Variants in NWD2 observed in about 807,000 individuals in gnomAD.
The protein encoded by NWD2 is NACHT and WD repeat domain containing 2.
In NWD2, 37 loss-of-function variants were observed where a neutral mutation model predicts 132.7. That is an observed-to-expected ratio of 0.28 (90% CI 0.21 to 0.37). The LOEUF (loss-of-function observed/expected upper bound fraction) is 0.37. NWD2 is among the 10% of genes least tolerant of loss of function. The pLI, the probability that NWD2 is intolerant of heterozygous loss-of-function variation, is 1.00. For missense variants in NWD2, 1,592 were observed against 2,122.4 expected (o/e 0.75, Z 4.91); for synonymous variants, 705 against 803.0 (o/e 0.88, Z 2.06).
chr4:37,299,249 T>C (rs1560388566), intron 1 of NWD2, among the ~76,000 whole-genome samples: 2 of 152,122 alleles, frequency 1.3e-5, no homozygotes, highest in Non-Finnish European at 1.5e-5. Context: ...TAGCATGGCA[T>C]CACCCTGCCC....
intron 3 of NWD2, 26 bp downstream of exon 3, chr4:37,356,508 A>T: frequency 7.5e-7 from 1 of 1,338,782 alleles, no homozygotes; most frequent in African/African-American, 1.4e-5. Flanking sequence ...CTAATGCTTT[A>T]TATTAACTTT....
chr4:37,252,568 T>TTGGC (rs1717399191), intron 1 of NWD2, among the ~76,000 whole-genome samples: 1 of 152,224 alleles, frequency 6.6e-6, no homozygotes, highest in Non-Finnish European at 1.5e-5. Context: ...TGGGCAAGGC[T>TTGGC]TGGCTGGGTG....
At chr4:37,253,461 TC>T (rs1717437606) in intron 1 of NWD2, among the ~76,000 whole-genome samples, 1 of 152,178 alleles carries the variant, frequency 6.6e-6, no homozygotes, top group Admixed American at 6.5e-5. Flanking sequence ...ACAGGTCATG[TC>T]CCAAGGGATA....
At chr4:37,361,708 C>G (rs560279880) in intron 3 of NWD2, among the ~76,000 whole-genome samples, 2 of 152,234 alleles carry the variant, frequency 1.3e-5, no homozygotes, top group East Asian at 3.9e-4. Flanking sequence ...AAACCCACAA[C>G]CAACATCATG....
chr4:37,446,128 C>T lies in NWD2; in HGVS notation c.4140C>T (p.Ser1380=), dbSNP rs770045414. 3 of 1,551,686 alleles carry T rather than the reference C, an allele frequency of 1.9e-6. No individual in the cohort carries two copies. The highest frequency in any genetic ancestry group is 1.2e-5 in the South Asian group (1 of 84,052). ...TGGTGACATCAGATGACAAAAGCAG[C>T]CAGTATGTCTGGCACACCAGCAGTG... is the stretch of plus-strand genomic sequence containing the variant. ...DIMVTSDDKS[S]QYVWHTSSGE... The change falls in exon 7 of 7, where the codon AGC becomes AGT. Residue 1380 remains serine (S), a synonymous_variant. Transcript: ENST00000309447. The surrounding 1 kb of genome is among the most constrained non-coding windows in gnomAD (Gnocchi z 6.7).
At chr4:37,338,456 T>C (rs563137705) in intron 2 of NWD2, among the ~76,000 whole-genome samples, 1 of 152,306 alleles carries the variant, frequency 6.6e-6, no homozygotes, top group Admixed American at 6.5e-5. Context: ...AAAATAAAGT[T>C]CCTTGAAAAC....
chr4:37,420,503 G>A (rs1367920921), intron 3 of NWD2, among the ~76,000 whole-genome samples: 2 of 152,176 alleles, frequency 1.3e-5, no homozygotes, highest in African/African-American at 2.4e-5. Flanking sequence ...GGCCAACATG[G>A]TGAAACCCTG....
In NWD2 at chr4:37,285,064, G is replaced by A. The variant is rs375458471; in HGVS notation, c.151+39846G>A. Among the ~76,000 whole-genome samples, 104 of 152,034 alleles carry A rather than the reference G, an allele frequency of 6.8e-4. 1 individual carries two copies. The South Asian group carries it at 0.019, about 27-fold the overall frequency. ...TTTAATCTTGAAACTGTAAATGACCGTCAGTACCATACAATGTTAACACTC... is the reference window on the plus strand; with the variant it reads ...TTTAATCTTGAAACTGTAAATGACCATCAGTACCATACAATGTTAACACTC... On this transcript the variant is annotated intron_variant, in intron 1 of 6. Coordinates refer to ENST00000309447, the MANE Select transcript of NWD2 (RefSeq NM_001144990.2).
At chr4:37,305,125 T>C (rs111712610) in intron 1 of NWD2, among the ~76,000 whole-genome samples, 113 of 152,346 alleles carry the variant, frequency 7.4e-4, no homozygotes, top group African/African-American at 2.5e-3. Flanking sequence ...TTGCACCCTG[T>C]GAAGCCACGG....
chr4:37,421,136 A>G (rs934126817), intron 3 of NWD2, among the ~76,000 whole-genome samples: 1 of 152,144 alleles, frequency 6.6e-6, no homozygotes, highest in Non-Finnish European at 1.5e-5. Flanking sequence ...AATATGTCCA[A>G]AACTGTGTCT....
chr4:37,387,832 G>A (rs1278352125), intron 3 of NWD2, among the ~76,000 whole-genome samples: 1 of 151,876 alleles, frequency 6.6e-6, no homozygotes, highest in Non-Finnish European at 1.5e-5. Context: ...CCGCCATCAT[G>A]CCTGGCTAAT....
rs73807500 is a variant in NWD2, at chr4:37,360,975, C to T, written c.357+4493C>T. On this transcript the variant is annotated intron_variant, in intron 3 of 6. Coordinates refer to ENST00000309447, the MANE Select transcript of NWD2 (RefSeq NM_001144990.2). Reference sequence around the variant, plus strand: ...CTTCAATCAGAAACAACAAAGGTGACGTTATAACTGATCCCACAGAAATAC... The same window carrying T: ...CTTCAATCAGAAACAACAAAGGTGATGTTATAACTGATCCCACAGAAATAC... 4.9e-3 allele frequency among the ~76,000 whole-genome samples: 746 copies of T among 152,174 alleles called. 9 individuals carry two copies. The highest frequency in any genetic ancestry group is 0.017 in the African/African-American group (693 of 41,526).
intron 1 of NWD2, among the ~76,000 whole-genome samples, chr4:37,262,806 C>A (rs1717671720): frequency 6.6e-6 from 1 of 152,128 alleles, no homozygotes; most frequent in Non-Finnish European, 1.5e-5. Context: ...GACAGAAAAT[C>A]CTCTCTGAGG....
chr4:37,416,282 T>G (rs16993528), intron 3 of NWD2, among the ~76,000 whole-genome samples: 2,014 of 152,226 alleles, frequency 0.013, 48 homozygotes, highest in African/African-American at 0.045. Flanking sequence ...GAGTGAGAAA[T>G]CGGTCTGAGC....
At chr4:37,394,444 G>A (rs1286035782) in intron 3 of NWD2, among the ~76,000 whole-genome samples, 1 of 152,138 alleles carries the variant, frequency 6.6e-6, no homozygotes, top group Non-Finnish European at 1.5e-5. Flanking sequence ...ATAGTATCTA[G>A]CACAGTAAAT....
chr4:37,294,210 C>A (rs1245440374), intron 1 of NWD2, among the ~76,000 whole-genome samples: 1 of 152,164 alleles, frequency 6.6e-6, no homozygotes, highest in Non-Finnish European at 1.5e-5. Flanking sequence ...CTTCCCTACA[C>A]CATTGAAACA....
chr4:37,417,257 T>C (rs1452014992), intron 3 of NWD2, among the ~76,000 whole-genome samples: 1 of 151,894 alleles, frequency 6.6e-6, no homozygotes, highest in Non-Finnish European at 1.5e-5. Context: ...AGGAAAGAAA[T>C]TGATGGTGAA....
rs1022429491 is a variant in NWD2, at chr4:37,443,347, T to G, written c.1359T>G (p.Phe453Leu). ...PESDPVVIVR[F>L]LGTTDMSSDL... ...CTGACCCAGTAGTCATCGTGAGATT[T>G]CTAGGAACGACAGACATGAGCTCTG... The change falls in exon 7 of 7, where the codon TTT becomes TTG. Residue 453 changes from phenylalanine (F) to leucine (L), a missense_variant. Phe to Leu is a conservative substitution (Grantham distance 22). Transcript: ENST00000309447. This position sits in a 1 kb window ranked among gnomAD's most constrained non-coding sequence, Gnocchi z 4.1. 1 of 1,551,664 alleles carries G rather than the reference T, an allele frequency of 6.4e-7. No homozygotes were observed. The highest frequency in any genetic ancestry group is 1.4e-5 in the African/African-American group (1 of 73,042).
chr4:37,328,326 A>G (rs1475309411), intron 2 of NWD2, among the ~76,000 whole-genome samples: 1 of 152,038 alleles, frequency 6.6e-6, no homozygotes, highest in Non-Finnish European at 1.5e-5. Context: ...TACATGTACC[A>G]TGGTGGTTTG....
Sources: allele counts gnomAD v4.1 joint callset (sites outside exome capture counted in the v4.1 genomes callset), GRCh38; gene constraint gnomAD v4.1.1; non-coding constraint Gnocchi (gnomAD v3.1); transcripts MANE v1.5; gene names NCBI Gene and HGNC (gene_info 2026-07-23, HGNC 2026-07-21).